RAB8B: variants seen among roughly 807,000 people sequenced by gnomAD.
RAB8B encodes the protein RAB8B, member RAS oncogene family.
RAB8B carries 11 observed loss-of-function variants against 32.0 expected under a neutral mutation model. That is an observed-to-expected ratio of 0.34 (90% CI 0.22 to 0.57). The LOEUF is 0.57. Among genes scored for constraint, RAB8B ranks in the 20% least tolerant of loss-of-function variants. The pLI is 0.86. For synonymous variants in RAB8B, 103 were observed against 89.6 expected, an observed-to-expected ratio of 1.15 and a Z score of -0.85; for missense variants, 190 against 258.5, an observed-to-expected ratio of 0.73 and a Z score of 1.82.
At chr15:63,192,676 T>A (rs2037567012) in intron 1 of RAB8B, among the ~76,000 whole-genome samples, 1 of 152,226 alleles carries the variant, frequency 6.6e-6, no homozygotes, top group African/African-American at 2.4e-5. Flanking sequence ...GTTTTAAAAA[T>A]GGTAATCTGC....
Position 63,205,793 on chromosome 15 carries a change from G to A in RAB8B, c.124+16045G>A, listed in dbSNP as rs564338563. Reference sequence around the variant, plus strand: ...CCAGTCTGTTCCCTAAAATTTTGATGTACCCAGAAAAGCATATTGTAAAAA... The same window carrying A: ...CCAGTCTGTTCCCTAAAATTTTGATATACCCAGAAAAGCATATTGTAAAAA... On this transcript the variant is annotated intron_variant, in intron 1 of 7. Coordinates refer to ENST00000321437, the MANE Select transcript of RAB8B (RefSeq NM_016530.3). 3.3e-5 allele frequency among the ~76,000 whole-genome samples: 5 copies of A among 152,342 alleles called. No homozygotes were observed. The East Asian group carries it at 5.8e-4, about 18-fold the overall frequency.
At chr15:63,190,891 C>T (rs904884429) in intron 1 of RAB8B, among the ~76,000 whole-genome samples, 1 of 152,166 alleles carries the variant, frequency 6.6e-6, no homozygotes, top group Non-Finnish European at 1.5e-5. Flanking sequence ...TGTGATATAC[C>T]TCTCAGTTAC....
In RAB8B at chr15:63,244,789, A is replaced by C. The variant is rs775094049; in HGVS notation, c.158A>C (p.Asp53Ala). The C allele has an allele frequency of 1.9e-6, 3 of 1,583,888 alleles. No individual in the cohort carries two copies. The change falls in exon 2 of 8, where the codon GAT becomes GCT. Residue 53 changes from aspartate (D) to alanine (A), a missense_variant. Around this residue, in one of 2 missense-constraint regions of RAB8B, gnomAD observed 80 missense variants for 142.6 expected, o/e 0.56. Transcript: ENST00000321437. ...TTTAAAATTAGAACGATAGAACTAG[A>C]TGGAAAGAAAATTAAGCTTCAGATA... ...IDFKIRTIEL[D>A]GKKIKLQIWD...
Position 63,233,055 on chromosome 15 carries a change from C to CTTTTT in RAB8B, c.125-11694_125-11690dup, listed in dbSNP as rs752891283. Among the ~76,000 whole-genome samples the CTTTTT allele has an allele frequency of 3.1e-4, 44 of 141,556 alleles. 4 individuals are homozygous for CTTTTT. The highest frequency in any genetic ancestry group is 4.4e-4 in the South Asian group (2 of 4,554). The allele number at this position is 141,556 out of a possible 152,430, so 92.9% of individuals were successfully genotyped here. On this transcript the variant is annotated intron_variant, in intron 1 of 7. Transcript: ENST00000321437. ...CTTTTTTTTCAATCTAAGTAGCATT[C>CTTTTT]TTTTTTTTTTTCTTTTTTGTTGAGA...
At chr15:63,239,930 A>G (rs2038018423) in intron 1 of RAB8B, among the ~76,000 whole-genome samples, 1 of 152,128 alleles carries the variant, frequency 6.6e-6, no homozygotes, top group African/African-American at 2.4e-5. Context: ...TGCAAAAACC[A>G]GGCTTTGAGG....
At chr15:63,214,374 C>T (rs1352616556) in intron 1 of RAB8B, among the ~76,000 whole-genome samples, 7 of 148,338 alleles carry the variant, frequency 4.7e-5, no homozygotes, top group African/African-American at 1.2e-4. Flanking sequence ...TCACTGTAGC[C>T]TCCGCCTCCC....
chr15:63,194,086 C>G (rs1432740050), intron 1 of RAB8B, among the ~76,000 whole-genome samples: 1 of 152,096 alleles, frequency 6.6e-6, no homozygotes, highest in Non-Finnish European at 1.5e-5. Context: ...TGCCCTGCCC[C>G]CTTCTTCCTG....
At chr15:63,230,853 G>A (rs1333219725) in intron 1 of RAB8B, among the ~76,000 whole-genome samples, 19 of 152,104 alleles carry the variant, frequency 1.2e-4, no homozygotes, top group Admixed American at 1.2e-3. Flanking sequence ...GTGCCACCAT[G>A]CCCAGCTAAT....
intron 1 of RAB8B, among the ~76,000 whole-genome samples, chr15:63,219,957 G>A (rs2037830074): frequency 6.6e-6 from 1 of 152,176 alleles, no homozygotes; most frequent in Non-Finnish European, 1.5e-5. Flanking sequence ...AACAATGGTA[G>A]AAGTTCCCAC....
At chr15:63,258,863 T>G (rs2038179029) in intron 5 of RAB8B, among the ~76,000 whole-genome samples, 1 of 152,074 alleles carries the variant, frequency 6.6e-6, no homozygotes, top group African/African-American at 2.4e-5. Flanking sequence ...CAGAGGTACT[T>G]TCCATTTTTA....
chr15:63,215,586 G>T (rs369652088), intron 1 of RAB8B, among the ~76,000 whole-genome samples: 8 of 152,284 alleles, frequency 5.3e-5, no homozygotes, highest in African/African-American at 1.9e-4. Flanking sequence ...TTTGAAAAAT[G>T]CCTGAGGTCC....
rs1489822733 is a variant in RAB8B, at chr15:63,233,185, A to G, written c.125-11571A>G. Among the ~76,000 whole-genome samples the G allele has an allele frequency of 2.0e-5, 3 of 150,994 alleles. No homozygotes were observed. The East Asian group carries it at 5.8e-4, about 29-fold the overall frequency. On this transcript the variant is annotated intron_variant, in intron 1 of 7. Transcript: ENST00000321437. ...AGCTATCCGCTCACTTCAGCCTCCC[A>G]GGTAGCTAGGACCACAGGCACGTGC...
At chr15:63,194,603 GTAAC>G (rs1203268243) in intron 1 of RAB8B, among the ~76,000 whole-genome samples, 1 of 152,162 alleles carries the variant, frequency 6.6e-6, no homozygotes, top group Admixed American at 6.5e-5. Flanking sequence ...CATACGTAAA[GTAAC>G]TAATGAAATC....
chr15:63,242,555 G>C (rs536449604), intron 1 of RAB8B, among the ~76,000 whole-genome samples: 6 of 152,126 alleles, frequency 3.9e-5, no homozygotes, highest in Non-Finnish European at 7.4e-5. Flanking sequence ...GTGCATACCT[G>C]TAGTCCCAGC....
chr15:63,262,718 A>G lies in RAB8B; in HGVS notation c.507A>G (p.Ile169Met). ...CATTTTTTACACTTGCACGAGATAT[A>G]ATGACAAAACTCAACAGAAAAATGG... ...EEAFFTLARDIMTKLNRKMND... is the reference protein window; with the variant it reads ...EEAFFTLARDMMTKLNRKMND... Residue 169 changes from isoleucine to methionine, a missense_variant, in exon 7 of 8, where the codon ATA becomes ATG. Physicochemically the swap from Ile to Met is conservative, Grantham distance 10. Transcript: ENST00000321437. The G allele has an allele frequency of 6.9e-7, 1 of 1,457,362 alleles. No individual in the cohort carries two copies. The highest frequency in any genetic ancestry group is 9.1e-7 in the Non-Finnish European group (1 of 1,100,318). 90.3% of individuals were successfully genotyped at this position (1,457,362 alleles called of 1,614,324 possible). A position where few individuals can be genotyped will look rare whatever the true frequency, so the allele number is the denominator to read the frequency against.
chr15:63,199,948 G>GT (rs34016758), intron 1 of RAB8B, among the ~76,000 whole-genome samples: 5 of 151,958 alleles, frequency 3.3e-5, no homozygotes, highest in African/African-American at 7.3e-5. Flanking sequence ...ATGATTTACC[G>GT]TTTTTTGTTC....
In RAB8B at chr15:63,255,587, A is replaced by G. The variant is rs2038152627; in HGVS notation, c.324+3A>G. 6.3e-7 allele frequency: 1 copy of G among 1,584,944 alleles called. No homozygotes were observed. Among genetic ancestry groups the G allele is most frequent in the Non-Finnish European group, 8.7e-7 (1 of 1,153,448 alleles). On this transcript the variant is annotated splice_donor_region_variant and intron_variant, in intron 4 of 7. Transcript: ENST00000321437. The stretch of plus-strand genomic sequence containing the variant: ...ATTGGATCAGAAACATTGAAGAGGT[A>G]TGTGTGGAAAGAGAATGGTGACATT...
chr15:63,263,310 C>T (rs377314563), intron 7 of RAB8B, among the ~76,000 whole-genome samples: 10 of 152,218 alleles, frequency 6.6e-5, no homozygotes, highest in South Asian at 2.1e-4. Flanking sequence ...AAGCTGCTAT[C>T]GTAAGGGCAT....
intron 1 of RAB8B, among the ~76,000 whole-genome samples, chr15:63,192,950 A>G (rs901924271): frequency 6.6e-6 from 1 of 152,160 alleles, no homozygotes; most frequent in Non-Finnish European, 1.5e-5. Context: ...AAAATTCACC[A>G]AACGGTGTAT....
Sources: gnomAD v4.1 joint callset for allele counts (sites outside exome capture counted in the v4.1 genomes callset) on GRCh38, gnomAD v4.1.1 for gene constraint, gnomAD v4.1.1 regional missense constraint, MANE v1.5 for transcripts, NCBI Gene and HGNC (gene_info 2026-07-23, HGNC 2026-07-21) for gene names.